MARCO: variants seen among roughly 807,000 people sequenced by gnomAD.
MARCO encodes macrophage receptor with collagenous structure, also known as macrophage receptor MARCO.
Under a neutral mutation model 70.0 loss-of-function variants are expected in MARCO, and 72 were observed. That is an observed-to-expected ratio of 1.03 (90% confidence interval 0.85 to 1.25). The LOEUF is 1.25. Among genes scored for constraint, MARCO ranks in the 50% most tolerant of loss-of-function variants. MARCO has a pLI of 0.00. For synonymous variants in MARCO, 273 were observed against 243.1 expected (o/e 1.12, Z -1.14); for missense variants, 696 against 659.3 (o/e 1.06, Z -0.61).
At position 118,981,470 on chromosome 2, in the gene MARCO, G is replaced by A. The variant is rs139301451; in HGVS notation, c.828G>A (p.Gln276=). The change falls in exon 9 of 17, where the codon CAG becomes CAA. Residue 276 remains glutamine, a synonymous_variant. Transcript: ENST00000327097. The part of the protein sequence containing the change: ...DAGVMGPPGA[Q]GSKGDFGRPG... ...GGGTCATGGGGCCTCCTGGAGCCCA[G>A]GGGAGTAAAGGTGACTTCGGGAGGC... 3.8e-6 allele frequency: 6 copies of A among 1,598,410 alleles called. No individual in the cohort carries two copies. The Admixed American group carries it at 5.5e-5, about 15-fold the overall frequency.
intron 12 of MARCO, among the ~76,000 whole-genome samples, chr2:118,986,688 A>AGAAGGAAGGAAGGAAG (rs1680509952): frequency 2.5e-5 from 2 of 80,362 alleles, no homozygotes; most frequent in Non-Finnish European, 4.9e-5. Flanking sequence ...AAAGAAAGAA[A>AGAAGGAAGGAAGGAAG]GAAAGAAAGA....
Position 118,990,267 on chromosome 2 carries a change from G to A in MARCO, c.1064-322G>A, listed in dbSNP as rs75925705. 9.3e-3 allele frequency among the ~76,000 whole-genome samples: 1,422 copies of A among 152,270 alleles called. 29 individuals are homozygous for A. Among genetic ancestry groups the A allele is most frequent in the African/African-American group, 0.033 (1,363 of 41,540 alleles). Reference sequence around the variant, plus strand: ...CTCCCAATTCTCTTCCAATATAAATGCAACAGCAGGGAATGGGATTGGATT... The same window carrying A: ...CTCCCAATTCTCTTCCAATATAAATACAACAGCAGGGAATGGGATTGGATT... On this transcript the variant is annotated intron_variant, in intron 12 of 16. Coordinates refer to ENST00000327097, the MANE Select transcript of MARCO (RefSeq NM_006770.4).
intron 1 of MARCO, among the ~76,000 whole-genome samples, chr2:118,968,598 A>T (rs1680100822): frequency 6.6e-6 from 1 of 152,218 alleles, no homozygotes; most frequent in African/African-American, 2.4e-5. Flanking sequence ...GATGATTATT[A>T]ACCCTTGTCA....
At chr2:118,974,596 T>C (rs771392625) in intron 6 of MARCO, 31 bp downstream of exon 6, 5 of 1,604,588 alleles carry the variant, frequency 3.1e-6, no homozygotes, top group Non-Finnish European at 4.3e-6. Flanking sequence ...TACCCAGAAA[T>C]ACACAGCAAG....
chr2:118,969,801 T>A (rs1184602788), intron 2 of MARCO, among the ~76,000 whole-genome samples: 1 of 151,948 alleles, frequency 6.6e-6, no homozygotes, highest in Non-Finnish European at 1.5e-5. Flanking sequence ...GCATGTTAGC[T>A]GTCATGCATC....
At chr2:118,990,746 G>A in intron 13 of MARCO, 113 bp downstream of exon 13, 1 of 1,056,700 alleles carries the variant, frequency 9.5e-7, no homozygotes, top group Non-Finnish European at 1.4e-6. Context: ...CTCCCAAAGT[G>A]GAGGTTAAGA....
rs148983889 is a variant in MARCO, at chr2:118,970,195, T to C, written c.281T>C (p.Phe94Ser). The change falls in exon 3 of 17, where the codon TTC becomes TCC. Residue 94 changes from phenylalanine (F) to serine (S), a missense_variant. By Grantham distance (155) the Phe-to-Ser change is radical. Transcript: ENST00000327097. ...DTLAAEDSPS[F>S]SLLQSAHPGE... ...CTGGCGGCTGAGGACAGCCCGTCCT[T>C]CTCCTTGCTGCAGTCAGCACACCCT... 117 of 1,614,106 alleles carry C rather than the reference T, an allele frequency of 7.2e-5. No individual in the cohort carries two copies. In the African/African-American group the frequency reaches 1.4e-3, roughly 19 times the overall value.
At chr2:118,992,535 A>G in intron 15 of MARCO, 59 bp downstream of exon 15, 1 of 1,422,732 alleles carries the variant, frequency 7.0e-7, no homozygotes, top group Non-Finnish European at 9.9e-7. Context: ...GCACCTGAAA[A>G]TTGTGTGTGT....
intron 16 of MARCO, 104 bp from the exon 17 acceptor site, chr2:118,994,283 C>T (rs1680680033): frequency 4.7e-6 from 6 of 1,268,026 alleles, no homozygotes; most frequent in Middle Eastern, 2.0e-4. Context: ...AGTGAGAAGT[C>T]GGCAGTCCAC....
intron 8 of MARCO, among the ~76,000 whole-genome samples, chr2:118,978,584 G>A (rs1056521223): frequency 4.6e-5 from 7 of 152,236 alleles, no homozygotes; most frequent in Non-Finnish European, 1.0e-4. Flanking sequence ...GAGGATTGCG[G>A]GGCCAGGCGG....
Position 118,993,795 on chromosome 2 carries a change from A to G in MARCO, c.1429+495A>G, listed in dbSNP as rs77829565. Among the ~76,000 whole-genome samples, 727 of 152,338 alleles carry G rather than the reference A, an allele frequency of 4.8e-3. 11 individuals are homozygous for G. The East Asian group carries it at 0.057, about 12-fold the overall frequency. On this transcript the variant is annotated intron_variant, in intron 16 of 16. Transcript: ENST00000327097. The stretch of plus-strand genomic sequence containing the variant: ...CAAATCAGAGCAGGGACTTACTAAA[A>G]TGTGTGGAAAATGTCTTCGGATGCT...
intron 12 of MARCO, among the ~76,000 whole-genome samples, chr2:118,983,211 G>T (rs2104599276): frequency 6.6e-6 from 1 of 152,318 alleles, no homozygotes; most frequent in South Asian, 2.1e-4. Flanking sequence ...ATGTAAAGCT[G>T]CATGTCTGCC....
chr2:118,973,990 C>A (rs184954794), intron 4 of MARCO, among the ~76,000 whole-genome samples: 2 of 152,294 alleles, frequency 1.3e-5, no homozygotes, highest in African/African-American at 2.4e-5. Flanking sequence ...ATGGTCCCCA[C>A]GTGGTAATCT....
At chr2:118,990,680 G>A (rs756556348) in intron 13 of MARCO, 47 bp downstream of exon 13, 1 of 1,588,372 alleles carries the variant, frequency 6.3e-7, no homozygotes, top group East Asian at 2.2e-5. Context: ...TGACGGGGAA[G>A]GCCTGCCTTC....
Position 118,993,260 on chromosome 2 carries a change from G to T in MARCO, c.1389G>T (p.Leu463=), listed in dbSNP as rs761471559. 4.3e-6 allele frequency: 7 copies of T among 1,614,184 alleles called. No individual in the cohort carries two copies. The highest frequency in any genetic ancestry group is 5.9e-6 in the Non-Finnish European group (7 of 1,180,032). The part of the protein sequence containing the change: ...NSDAIVFCRM[L]GYSKGRALYK... Reference sequence around the variant, plus strand: ...ATGCCATTGTCTTCTGCCGCATGCTGGGTTACTCCAAAGGAAGGGCCCTGT... The same window carrying T: ...ATGCCATTGTCTTCTGCCGCATGCTTGGTTACTCCAAAGGAAGGGCCCTGT... The change falls in exon 16 of 17, where the codon CTG becomes CTT. Residue 463 remains leucine, a synonymous_variant. Coordinates refer to ENST00000327097, the MANE Select transcript of MARCO (RefSeq NM_006770.4).
At chr2:118,982,059 G>A (rs112506021) in intron 10 of MARCO, 97 bp from the exon 11 acceptor site, 1 of 778,702 alleles carries the variant, frequency 1.3e-6, no homozygotes, top group Non-Finnish European at 2.1e-6. Context: ...GTGTTAAGAG[G>A]TACATGTCTC....
In MARCO at chr2:118,981,408, G is replaced by A; in HGVS notation, c.767-1G>A. 6.3e-7 allele frequency: 1 copy of A among 1,599,176 alleles called. No homozygotes were observed. The highest frequency in any genetic ancestry group is 8.5e-7 in the Non-Finnish European group (1 of 1,175,650). On this transcript the variant is annotated splice_acceptor_variant, in intron 8 of 16. Transcript: ENST00000327097. LOFTEE classifies it high-confidence loss of function. ...CTAACCAAGACTTTTTGGTTTTTCA[G>A]GAAGCAAAGGGGACAGGGGCATGAA...
chr2:118,968,450 G>A (rs568693426), intron 1 of MARCO, among the ~76,000 whole-genome samples: 1 of 152,110 alleles, frequency 6.6e-6, no homozygotes, highest in Non-Finnish European at 1.5e-5. Context: ...GATATCATTT[G>A]TAAGATTAAA....
chr2:118,980,967 G>A (rs185221590), intron 8 of MARCO, among the ~76,000 whole-genome samples: 1 of 152,316 alleles, frequency 6.6e-6, no homozygotes, highest in Admixed American at 6.5e-5. Flanking sequence ...AGTGCTGGCA[G>A]GAATATGAGC....
Sources: gnomAD v4.1 joint callset for allele counts (sites outside exome capture counted in the v4.1 genomes callset) on GRCh38, gnomAD v4.1.1 for gene constraint, MANE v1.5 for transcripts, NCBI Gene and HGNC (gene_info 2026-07-23, HGNC 2026-07-21) for gene names.